The following ALMS1 variants were observed in gnomAD, a reference collection of about 807,000 sequenced individuals.
ALMS1 encodes the protein ALMS1 centrosome and basal body associated protein.
ALMS1 carries 271 observed loss-of-function variants against 352.2 expected under a neutral mutation model. The observed-to-expected ratio is 0.77, with a 90% CI of 0.70 to 0.85. ALMS1 has a LOEUF of 0.85. Among genes scored for constraint, ALMS1 ranks in the 40% least tolerant of loss-of-function variants. ALMS1 has a pLI of 0.00. For missense variants in ALMS1, 5,445 were observed against 4,870.7 expected (o/e 1.12, Z -3.51); for synonymous variants, 1,865 against 1,761.2 (o/e 1.06, Z -1.48).
chr2:73,539,329 T>A (rs1674107734), intron 12 of ALMS1, among the ~76,000 whole-genome samples: 1 of 151,920 alleles, frequency 6.6e-6, no homozygotes, highest in Admixed American at 6.6e-5. Flanking sequence ...GGGTCCTGAC[T>A]GTTACTAACA....
chr2:73,491,850 A>G (rs901872100), intron 10 of ALMS1, among the ~76,000 whole-genome samples: 9 of 152,130 alleles, frequency 5.9e-5, no homozygotes, highest in Non-Finnish European at 1.2e-4. Flanking sequence ...ACACACATAC[A>G]TGGGTGCTTG....
At chr2:73,405,453 T>C (rs1438461022) in intron 1 of ALMS1, among the ~76,000 whole-genome samples, 1 of 152,144 alleles carries the variant, frequency 6.6e-6, no homozygotes, top group East Asian at 1.9e-4. Flanking sequence ...TTTCTGAATT[T>C]AGTTATTTGA....
intron 1 of ALMS1, among the ~76,000 whole-genome samples, chr2:73,394,672 G>T (rs1425178335): frequency 6.6e-6 from 1 of 152,078 alleles, no homozygotes; most frequent in African/African-American, 2.4e-5. Context: ...TCATGAACAT[G>T]GGATATCCTT....
chr2:73,521,973 T>C (rs1185651048), intron 11 of ALMS1, among the ~76,000 whole-genome samples: 1 of 152,204 alleles, frequency 6.6e-6, no homozygotes, highest in African/African-American at 2.4e-5. Flanking sequence ...GTACAAAAAA[T>C]CGTATGTTAA....
At position 73,505,382 on chromosome 2, in the gene ALMS1, T is replaced by C. The variant is rs1420459937; in HGVS notation, c.9539+13884T>C. 2.6e-5 allele frequency among the ~76,000 whole-genome samples: 4 copies of C among 152,212 alleles called. No individual in the cohort carries two copies. In the South Asian group the frequency reaches 8.3e-4, roughly 32 times the overall value. ...GTTTCTCCACATCCTCTCCAGCATC[T>C]GTTGTTTCCCAACTTTTTAATGATT... On this transcript the variant is annotated intron_variant, in intron 10 of 22. Coordinates refer to ENST00000613296, the MANE Select transcript of ALMS1 (RefSeq NM_001378454.1).
chr2:73,601,993 C>A (rs1418532686), intron 19 of ALMS1, among the ~76,000 whole-genome samples, 192 bp from the exon 20 acceptor site: 1 of 152,170 alleles, frequency 6.6e-6, no homozygotes, highest in African/African-American at 2.4e-5. Flanking sequence ...TGTCTTTGAT[C>A]CCTGCGGTTT....
chr2:73,609,267 C>T (rs188827007), intron 22 of ALMS1, among the ~76,000 whole-genome samples: 165 of 152,346 alleles, frequency 1.1e-3, no homozygotes, highest in African/African-American at 3.8e-3. Context: ...GGCACCACAC[C>T]ACCTGTCTGG....
At chr2:73,556,518 G>A (rs1334313317) in intron 13 of ALMS1, among the ~76,000 whole-genome samples, 1 of 151,966 alleles carries the variant, frequency 6.6e-6, no homozygotes, top group Non-Finnish European at 1.5e-5. Flanking sequence ...GCTTTTCTTG[G>A]ATTATATGAA....
intron 15 of ALMS1, among the ~76,000 whole-genome samples, chr2:73,562,000 T>C (rs1674673275): frequency 6.6e-6 from 1 of 151,074 alleles, no homozygotes; most frequent in Non-Finnish European, 1.5e-5. Flanking sequence ...AAGTACCAAT[T>C]AGAAGAAAGA....
intron 10 of ALMS1, among the ~76,000 whole-genome samples, chr2:73,517,793 G>T (rs777616303): frequency 2.6e-5 from 4 of 151,980 alleles, no homozygotes; most frequent in Admixed American, 1.3e-4. Context: ...GAGTAGCTGG[G>T]ATTACAGGCA....
chr2:73,454,738 G>A (rs1437869396), intron 8 of ALMS1, among the ~76,000 whole-genome samples: 3 of 152,056 alleles, frequency 2.0e-5, no homozygotes, highest in African/African-American at 7.2e-5. Context: ...CCTAGAAATC[G>A]TCCCTTGAGG....
In ALMS1 at chr2:73,386,267, C is replaced by G. The variant is rs1031172088; in HGVS notation, c.324+75C>G. 3.5e-6 allele frequency: 5 copies of G among 1,417,834 alleles called. No homozygotes were observed. The East Asian group carries it at 8.4e-5, about 24-fold the overall frequency. The allele number at this position is 1,417,834 out of a possible 1,614,324, so 87.8% of individuals were successfully genotyped here. A position where few individuals can be genotyped will look rare whatever the true frequency, so the allele number is the denominator to read the frequency against. On this transcript the variant is annotated intron_variant, in intron 1 of 22. Coordinates refer to ENST00000613296, the MANE Select transcript of ALMS1 (RefSeq NM_001378454.1). ...GGCTGGGCCCCGAGCGCTCCGCCCG[C>G]CCGCAGGTCACGCCGCCTGACGGAG...
chr2:73,464,238 T>A (rs1021550865), intron 9 of ALMS1, among the ~76,000 whole-genome samples: 13 of 152,280 alleles, frequency 8.5e-5, no homozygotes, highest in African/African-American at 3.1e-4. Context: ...ATCAAAAAGC[T>A]TATCCACCAT....
chr2:73,448,435 A>G lies in ALMS1; in HGVS notation c.1908A>G (p.Leu636=). 1 of 1,612,538 alleles carries G rather than the reference A, an allele frequency of 6.2e-7. No homozygotes were observed. The highest frequency in any genetic ancestry group is 1.1e-5 in the South Asian group (1 of 90,990). ...CTGGTACTTTTTACCAACAAGAGTT[A>G]CCAGAGAGTAACTTAACCGAAGAGC... ...EKPGTFYQQE[L]PESNLTEEPL... Residue 636 remains leucine, a synonymous_variant, in exon 8 of 23, where the codon TTA becomes TTG. Coordinates refer to ENST00000613296, the MANE Select transcript of ALMS1 (RefSeq NM_001378454.1).
chr2:73,488,603 A>G (rs1451110276), intron 9 of ALMS1, among the ~76,000 whole-genome samples: 1 of 152,210 alleles, frequency 6.6e-6, no homozygotes, highest in Non-Finnish European at 1.5e-5. Context: ...CCACCACCTC[A>G]GTACAGCGAG....
chr2:73,520,446 G>A (rs987168468), intron 11 of ALMS1, among the ~76,000 whole-genome samples: 5 of 152,170 alleles, frequency 3.3e-5, no homozygotes, highest in African/African-American at 1.2e-4. Context: ...ATAAACATGT[G>A]ATAGTGCAAA....
chr2:73,418,225 G>C (rs957656123), intron 2 of ALMS1, among the ~76,000 whole-genome samples: 1 of 152,138 alleles, frequency 6.6e-6, no homozygotes, highest in Admixed American at 6.5e-5. Context: ...TTCCCTATAG[G>C]TAGTTTGAGA....
intron 7 of ALMS1, among the ~76,000 whole-genome samples, chr2:73,433,746 G>A (rs1366866111): frequency 6.6e-6 from 1 of 152,094 alleles, no homozygotes; most frequent in African/African-American, 2.4e-5. Flanking sequence ...TACCTGGGCT[G>A]TTCTTTGTAG....
intron 15 of ALMS1, among the ~76,000 whole-genome samples, chr2:73,563,652 G>A (rs937598331): frequency 4.1e-5 from 6 of 148,092 alleles, no homozygotes; most frequent in East Asian, 2.0e-4. Flanking sequence ...GAACCTGGGC[G>A]GCAGAGCTTG....
Sources: gnomAD v4.1 joint callset for allele counts (sites outside exome capture counted in the v4.1 genomes callset) on GRCh38, gnomAD v4.1.1 for gene constraint, MANE v1.5 for transcripts, NCBI Gene and HGNC (gene_info 2026-07-23, HGNC 2026-07-21) for gene names.